NEK11: variants seen among roughly 807,000 people sequenced by gnomAD.
NEK11 encodes the protein serine/threonine-protein kinase Nek11.
Under a neutral mutation model 80.7 loss-of-function variants are expected in NEK11, and 72 were observed. That is an observed-to-expected ratio of 0.89 (90% CI 0.74 to 1.08). The LOEUF is 1.08. Among genes scored for constraint, NEK11 ranks in the 50% least tolerant of loss-of-function variants. The probability of loss-of-function intolerance (pLI) is 0.00; values close to 1 mark genes in which losing one functional copy is unlikely to be tolerated. For synonymous variants in NEK11, 251 were observed against 260.7 expected (o/e 0.96, Z 0.36); for missense variants, 764 against 763.6 (o/e 1.00, Z -0.01).
At chr3:131,335,079 A>C (rs1448337034) in intron 17 of NEK11, among the ~76,000 whole-genome samples, 1 of 152,218 alleles carries the variant, frequency 6.6e-6, no homozygotes, top group African/African-American at 2.4e-5. Flanking sequence ...AAACTATTCC[A>C]ATCAATAGAA....
At chr3:131,201,881 C>T (rs1298136785) in intron 14 of NEK11, among the ~76,000 whole-genome samples, 3 of 152,158 alleles carry the variant, frequency 2.0e-5, no homozygotes, top group African/African-American at 7.2e-5. Flanking sequence ...GTCGCCCAGG[C>T]TGGAGCGCAG....
intron 14 of NEK11, among the ~76,000 whole-genome samples, chr3:131,227,146 T>C (rs578088703): frequency 6.6e-6 from 1 of 152,232 alleles, no homozygotes; most frequent in East Asian, 1.9e-4. Flanking sequence ...CAATTTTGAA[T>C]ATATGTAATT....
rs115099819 is a variant in NEK11 at position 131,036,265 on chromosome 3, A to G, written c.170+6387A>G. ...AGTGAAAAAACCCACATATTCATTC[A>G]ACAAATACTGGTCACCGTTTACTGG... On this transcript the variant is annotated intron_variant, in intron 3 of 17. Coordinates refer to ENST00000383366, the MANE Select transcript of NEK11 (RefSeq NM_024800.5). Among the ~76,000 whole-genome samples the G allele has an allele frequency of 7.9e-3, 1,200 of 152,308 alleles. 22 individuals are homozygous for G. The highest frequency in any genetic ancestry group is 0.027 in the African/African-American group (1,134 of 41,562).
At chr3:131,308,814 G>A (rs1292281060) in intron 17 of NEK11, among the ~76,000 whole-genome samples, 1 of 150,732 alleles carries the variant, frequency 6.6e-6, no homozygotes, top group Non-Finnish European at 1.5e-5. Flanking sequence ...CCAGGAACTG[G>A]TTTTGTGGAA....
chr3:131,280,894 C>G (rs1387740198), intron 17 of NEK11, among the ~76,000 whole-genome samples: 1 of 152,168 alleles, frequency 6.6e-6, no homozygotes, highest in African/African-American at 2.4e-5. Context: ...GCAGCAAGAC[C>G]CTTCTGGGTT....
chr3:131,203,763 GTGTGTATATATATATATA>G (rs2094342388), intron 14 of NEK11, among the ~76,000 whole-genome samples: 2 of 35,526 alleles, frequency 5.6e-5, no homozygotes, highest in African/African-American at 2.3e-4. Context: ...GTGTGTGTGT[GTGTGTATATATATATATA>G]TATATATATA....
intron 10 of NEK11, among the ~76,000 whole-genome samples, chr3:131,158,210 A>C (rs773010924): frequency 1.5e-4 from 23 of 152,034 alleles, no homozygotes; most frequent in Non-Finnish European, 3.1e-4. Flanking sequence ...CTGAGGAATC[A>C]TGCCTGACTG....
intron 17 of NEK11, among the ~76,000 whole-genome samples, chr3:131,283,990 T>A (rs1047589209): frequency 2.6e-5 from 4 of 152,112 alleles, no homozygotes; most frequent in African/African-American, 7.2e-5. Flanking sequence ...GTCTGTTAGG[T>A]GTGAGGCATT....
intron 16 of NEK11, among the ~76,000 whole-genome samples, chr3:131,265,363 G>A (rs1268891678): frequency 6.6e-6 from 1 of 152,074 alleles, no homozygotes; most frequent in African/African-American, 2.4e-5. Flanking sequence ...GTCATAAATA[G>A]CTTTTATTAT....
intron 14 of NEK11, among the ~76,000 whole-genome samples, chr3:131,178,221 C>T (rs2093146019): frequency 6.6e-6 from 1 of 152,132 alleles, no homozygotes; most frequent in Non-Finnish European, 1.5e-5. Flanking sequence ...AGGATATTCA[C>T]TACTGTTTAC....
At chr3:131,332,320 G>C (rs2097104050) in intron 17 of NEK11, among the ~76,000 whole-genome samples, 1 of 152,234 alleles carries the variant, frequency 6.6e-6, no homozygotes, top group African/African-American at 2.4e-5. Context: ...AAAATCCGCT[G>C]TTCTGCAGCC....
chr3:131,262,799 G>A (rs1280021420), intron 16 of NEK11, among the ~76,000 whole-genome samples: 1 of 152,082 alleles, frequency 6.6e-6, no homozygotes, highest in Non-Finnish European at 1.5e-5. Flanking sequence ...TTCTCCTAAT[G>A]CTATCCCTCT....
At chr3:131,110,911 T>C (rs895212987) in intron 5 of NEK11, among the ~76,000 whole-genome samples, 1 of 152,218 alleles carries the variant, frequency 6.6e-6, no homozygotes, top group Non-Finnish European at 1.5e-5. Flanking sequence ...TGTTGGATGA[T>C]GTCAAACTAT....
At chr3:131,270,591 G>A (rs1419891025) in intron 16 of NEK11, among the ~76,000 whole-genome samples, 2 of 152,202 alleles carry the variant, frequency 1.3e-5, no homozygotes, top group Non-Finnish European at 2.9e-5. Context: ...TACTATTCAT[G>A]TTGGAAGATG....
chr3:131,277,259 A>G (rs2096309284), intron 17 of NEK11, among the ~76,000 whole-genome samples: 1 of 152,200 alleles, frequency 6.6e-6, no homozygotes, highest in African/African-American at 2.4e-5. Context: ...CTGTTCTCAC[A>G]TGTTACTTTT....
intron 16 of NEK11, among the ~76,000 whole-genome samples, chr3:131,255,040 G>A (rs2095781722): frequency 8.4e-6 from 1 of 118,504 alleles, no homozygotes; most frequent in Non-Finnish European, 1.8e-5. Context: ...GAAAGAGAGA[G>A]AGAGAGAGAG....
At chr3:131,129,449 T>A (rs1452724725) in intron 5 of NEK11, among the ~76,000 whole-genome samples, 2 of 152,224 alleles carry the variant, frequency 1.3e-5, no homozygotes, top group Non-Finnish European at 2.9e-5. Context: ...AGCAGAAATT[T>A]TTTATTTTAA....
chr3:131,333,381 G>A (rs1485840807), intron 17 of NEK11, among the ~76,000 whole-genome samples: 1 of 152,036 alleles, frequency 6.6e-6, no homozygotes, highest in South Asian at 2.1e-4. Context: ...TTCATAAGTG[G>A]AGGAGAAATA....
chr3:131,230,191 C>T (rs1236339985), intron 15 of NEK11, among the ~76,000 whole-genome samples: 27 of 152,096 alleles, frequency 1.8e-4, no homozygotes, highest in Admixed American at 1.8e-3. Flanking sequence ...GAAAATAAAA[C>T]AGATTTAGAA....
Sources: gnomAD v4.1 joint callset for allele counts (sites outside exome capture counted in the v4.1 genomes callset) on GRCh38, gnomAD v4.1.1 for gene constraint, MANE v1.5 for transcripts, NCBI Gene and HGNC (gene_info 2026-07-23, HGNC 2026-07-21) for gene names.